The following FHIT variants were observed in gnomAD, a reference collection of about 807,000 sequenced individuals.
FHIT encodes bis(5'-adenosyl)-triphosphatase.
Under a neutral mutation model 17.9 loss-of-function variants are expected in FHIT, and 19 were observed. That is an observed-to-expected ratio of 1.06 (90% CI 0.74 to 1.56). The LOEUF is 1.56. FHIT is among the 40% of genes most tolerant of loss of function. The pLI is 0.00. For missense variants in FHIT, 248 were observed against 189.2 expected, an observed-to-expected ratio of 1.31 and a Z score of -1.82; for synonymous variants, 81 against 69.7, an observed-to-expected ratio of 1.16 and a Z score of -0.81.
At chr3:60,082,264 G>A (rs562505241) in intron 5 of FHIT, among the ~76,000 whole-genome samples, 50 of 151,956 alleles carry the variant, frequency 3.3e-4, no homozygotes, top group Non-Finnish European at 6.5e-4. Flanking sequence ...TTAGGATAAT[G>A]ACCTGCAGCT....
chr3:60,709,703 T>G (rs2041467879), intron 4 of FHIT, among the ~76,000 whole-genome samples: 1 of 152,186 alleles, frequency 6.6e-6, no homozygotes, highest in African/African-American at 2.4e-5. Context: ...TCATTGACCT[T>G]TTATTAGAAA....
At chr3:60,867,898 T>C (rs1348558505) in intron 3 of FHIT, among the ~76,000 whole-genome samples, 1 of 152,122 alleles carries the variant, frequency 6.6e-6, no homozygotes, top group Non-Finnish European at 1.5e-5. Flanking sequence ...TGGGGACTCA[T>C]TTGTTACTGC....
At chr3:60,075,720 C>T (rs1269317180) in intron 5 of FHIT, among the ~76,000 whole-genome samples, 44 of 151,982 alleles carry the variant, frequency 2.9e-4, no homozygotes, top group Admixed American at 2.9e-3. Flanking sequence ...TGTAGAACTC[C>T]TATTCTCTAT....
At chr3:59,861,863 A>G (rs1702420224) in intron 8 of FHIT, among the ~76,000 whole-genome samples, 1 of 151,932 alleles carries the variant, frequency 6.6e-6, no homozygotes, top group Non-Finnish European at 1.5e-5. Flanking sequence ...TGGTATTCAG[A>G]AGGAAAAAAA....
chr3:60,416,932 C>CA (rs1428423428), intron 5 of FHIT, among the ~76,000 whole-genome samples: 3 of 151,602 alleles, frequency 2.0e-5, no homozygotes, highest in Non-Finnish European at 4.4e-5. Flanking sequence ...TAAAAAAATA[C>CA]AAAAAAATTA....
intron 4 of FHIT, among the ~76,000 whole-genome samples, chr3:60,569,755 A>ATATATATATATATATATTTT: frequency 1.0e-4 from 8 of 77,334 alleles, no homozygotes; most frequent in African/African-American, 3.4e-4. Flanking sequence ...ATATATATAT[A>ATATATATATATATATATTTT]TTTTTTTTTT....
At position 60,482,507 on chromosome 3, in the gene FHIT, C is replaced by T. The variant is rs183234868; in HGVS notation, c.103+54353G>A. On this transcript the variant is annotated intron_variant, in intron 5 of 9. Transcript: ENST00000492590. ...GGACCACAGTGCAATCAAATTAGAA[C>T]TCATGATTAAGAAACTCACTCAAAA... 1.1e-3 allele frequency among the ~76,000 whole-genome samples: 174 copies of T among 152,256 alleles called. 2 individuals carry two copies. Among genetic ancestry groups the T allele is most frequent in the African/African-American group, 4.1e-3 (172 of 41,538 alleles).
At chr3:60,042,090 C>G (rs565823160) in intron 5 of FHIT, among the ~76,000 whole-genome samples, 22 of 152,132 alleles carry the variant, frequency 1.4e-4, no homozygotes, top group Non-Finnish European at 2.8e-4. Flanking sequence ...TTAGATGTTA[C>G]CAAAGGTGTA....
intron 6 of FHIT, among the ~76,000 whole-genome samples, chr3:60,013,346 A>G (rs1700212660): frequency 6.6e-6 from 1 of 152,196 alleles, no homozygotes; most frequent in Non-Finnish European, 1.5e-5. Flanking sequence ...GACTTTATAC[A>G]TTGATACCCC....
rs1553718405 is a variant in FHIT, at chr3:59,927,470, A to AC, written c.280-5057_280-5056insG. Among the ~76,000 whole-genome samples, 1,193 of 145,400 alleles carry AC rather than the reference A, an allele frequency of 8.2e-3. 16 individuals are homozygous for AC. Among genetic ancestry groups the AC allele is most frequent in the African/African-American group, 0.029 (1,042 of 35,800 alleles). ...CTCAATAAAGCTATTACTTAAAAAA[A>AC]AAAAAAAAAACTGAAGGCCGGGTGC... On this transcript the variant is annotated intron_variant, in intron 7 of 9. Coordinates refer to ENST00000492590, the MANE Select transcript of FHIT (RefSeq NM_002012.4).
intron 2 of FHIT, among the ~76,000 whole-genome samples, chr3:61,072,003 C>G (rs918851025): frequency 6.6e-6 from 1 of 152,090 alleles, no homozygotes; most frequent in Non-Finnish European, 1.5e-5. Context: ...GTTAGATAGT[C>G]CCACCCCTCA....
At chr3:59,754,343 T>C (rs1184797235) in intron 8 of FHIT, among the ~76,000 whole-genome samples, 2 of 152,188 alleles carry the variant, frequency 1.3e-5, no homozygotes, top group African/African-American at 2.4e-5. Context: ...TAGATTTAAT[T>C]CTCCTTAGTG....
At chr3:60,521,352 A>T (rs1167989224) in intron 5 of FHIT, among the ~76,000 whole-genome samples, 1 of 152,066 alleles carries the variant, frequency 6.6e-6, no homozygotes, top group Non-Finnish European at 1.5e-5. Context: ...GATTCACGCC[A>T]TTCTCCTGCC....
At chr3:59,945,998 T>C (rs1437143943) in intron 7 of FHIT, among the ~76,000 whole-genome samples, 1 of 152,232 alleles carries the variant, frequency 6.6e-6, no homozygotes, top group Non-Finnish European at 1.5e-5. Context: ...AGGACTGCTT[T>C]GGCTATTCTG....
chr3:60,955,113 C>T (rs1164139747), intron 3 of FHIT, among the ~76,000 whole-genome samples: 1 of 152,030 alleles, frequency 6.6e-6, no homozygotes, highest in African/African-American at 2.4e-5. Context: ...AGTAGTTTTC[C>T]ATACTTCATG....
chr3:61,184,998 G>A (rs891071799), intron 2 of FHIT, among the ~76,000 whole-genome samples: 4 of 152,122 alleles, frequency 2.6e-5, no homozygotes, highest in Admixed American at 6.5e-5. Context: ...AAACACAACT[G>A]GTGATTTCTA....
intron 5 of FHIT, among the ~76,000 whole-genome samples, chr3:60,107,884 T>G (rs972695394): frequency 2.0e-5 from 3 of 152,198 alleles, no homozygotes; most frequent in African/African-American, 7.2e-5. Flanking sequence ...CAGGAAAGAA[T>G]AGTGTTGACA....
At chr3:60,127,854 C>T (rs1705628566) in intron 5 of FHIT, among the ~76,000 whole-genome samples, 2 of 152,148 alleles carry the variant, frequency 1.3e-5, no homozygotes, top group South Asian at 4.1e-4. Flanking sequence ...TGGTCTCAAA[C>T]TCCTGGGCTC....
At chr3:59,844,600 G>C (rs1403162351) in intron 8 of FHIT, among the ~76,000 whole-genome samples, 1 of 152,080 alleles carries the variant, frequency 6.6e-6, no homozygotes, top group Non-Finnish European at 1.5e-5. Context: ...TCCTCTTCTT[G>C]CTCTGCTGTG....
Sources: gnomAD v4.1 joint callset for allele counts (sites outside exome capture counted in the v4.1 genomes callset) on GRCh38, gnomAD v4.1.1 for gene constraint, MANE v1.5 for transcripts, NCBI Gene and HGNC (gene_info 2026-07-23, HGNC 2026-07-21) for gene names.